Variants in CSMD2 observed in about 807,000 individuals in gnomAD.
The protein encoded by CSMD2 is CUB and Sushi multiple domains 2, also known as CUB and sushi domain-containing protein 2.
CSMD2 carries 130 observed loss-of-function variants against 398.5 expected under a neutral mutation model. The observed-to-expected ratio is 0.33, with a 90% CI of 0.28 to 0.38. CSMD2 has a LOEUF of 0.38. Among genes scored for constraint, CSMD2 ranks in the 10% least tolerant of loss-of-function variants. CSMD2 has a pLI of 1.00. For synonymous variants in CSMD2, 1,828 were observed against 1,908.5 expected, an observed-to-expected ratio of 0.96 and a Z score of 1.10; for missense variants, 3,829 against 4,764.9, an observed-to-expected ratio of 0.80 and a Z score of 5.78.
At chr1:33,969,169 C>A (rs1645665957) in intron 3 of CSMD2, among the ~76,000 whole-genome samples, 1 of 152,238 alleles carries the variant, frequency 6.6e-6, no homozygotes, top group African/African-American at 2.4e-5. Flanking sequence ...CCACACTGTT[C>A]AAGGCAGCTG....
At chr1:33,999,733 C>A (rs1646840554) in intron 3 of CSMD2, among the ~76,000 whole-genome samples, 7 of 152,162 alleles carry the variant, frequency 4.6e-5, no homozygotes, top group Admixed American at 3.9e-4. Flanking sequence ...CCTTGAACCT[C>A]TCTAAGGCTT....
At chr1:33,650,320 C>T (rs1466258109) in intron 28 of CSMD2, among the ~76,000 whole-genome samples, 2 of 152,150 alleles carry the variant, frequency 1.3e-5, no homozygotes, top group Non-Finnish European at 2.9e-5. Flanking sequence ...AGAGCAGAAA[C>T]ACAAAGCAAG....
At chr1:33,969,616 T>G (rs58696203) in intron 3 of CSMD2, among the ~76,000 whole-genome samples, 8,773 of 152,264 alleles carry the variant, frequency 0.058, 612 homozygotes, top group African/African-American at 0.16. Context: ...AAGTTAAGGT[T>G]TTGAGAGTTA....
At chr1:33,522,679 T>C (rs1654420005) in intron 67 of CSMD2, among the ~76,000 whole-genome samples, 1 of 152,202 alleles carries the variant, frequency 6.6e-6, no homozygotes, top group South Asian at 2.1e-4. Flanking sequence ...CATTCTATCC[T>C]TTCTCTTCTA....
At chr1:33,665,903 C>A (rs1007712937) in intron 25 of CSMD2, among the ~76,000 whole-genome samples, 2 of 152,148 alleles carry the variant, frequency 1.3e-5, no homozygotes, top group Admixed American at 6.5e-5. Flanking sequence ...ATGCTTCTCC[C>A]TAACTAGATC....
intron 41 of CSMD2, among the ~76,000 whole-genome samples, chr1:33,609,319 C>A (rs968489489): frequency 6.6e-6 from 1 of 152,238 alleles, no homozygotes; most frequent in African/African-American, 2.4e-5. Context: ...CCCAGTACCC[C>A]CTCAGTATTC....
chr1:33,520,388 C>G (rs558434289), intron 68 of CSMD2, among the ~76,000 whole-genome samples: 15 of 152,324 alleles, frequency 9.8e-5, no homozygotes, highest in African/African-American at 3.4e-4. Flanking sequence ...AAGGCTGCCT[C>G]TCCTCCTTCC....
intron 1 of CSMD2, among the ~76,000 whole-genome samples, chr1:34,160,687 C>T (rs992088995): frequency 1.3e-5 from 2 of 152,198 alleles, no homozygotes; most frequent in African/African-American, 4.8e-5. Context: ...AAAGCACCAT[C>T]CCTGCCTTCA....
At chr1:33,629,271 G>T (rs919342923) in intron 32 of CSMD2, among the ~76,000 whole-genome samples, 4 of 152,004 alleles carry the variant, frequency 2.6e-5, no homozygotes, top group African/African-American at 9.7e-5. Context: ...AATATATCAA[G>T]AAAAACTTGA....
At chr1:33,958,485 G>A (rs1645242320) in intron 3 of CSMD2, among the ~76,000 whole-genome samples, 1 of 152,124 alleles carries the variant, frequency 6.6e-6, no homozygotes. Context: ...AGAGGTGAAG[G>A]GATTTTTTTT....
intron 15 of CSMD2, among the ~76,000 whole-genome samples, chr1:33,730,884 T>C (rs990576443): frequency 1.3e-5 from 2 of 152,230 alleles, no homozygotes; most frequent in African/African-American, 2.4e-5. Context: ...GCTGTGTTCA[T>C]TGAAAAGGCT....
In CSMD2 at chr1:33,691,036, G is replaced by T. The variant is rs531952659; in HGVS notation, c.4052+1894C>A. On this transcript the variant is annotated intron_variant, in intron 25 of 70. Transcript: ENST00000373381. ...GCTGACATTTGCACTTGACTTTGAG[G>T]GATGGATAATTTTAGATGTAAGCCT... Among the ~76,000 whole-genome samples the T allele has an allele frequency of 2.0e-5, 3 of 152,262 alleles. No individual in the cohort carries two copies. In the East Asian group the frequency reaches 5.8e-4, roughly 29 times the overall value.
chr1:34,037,242 C>T (rs935587472), intron 2 of CSMD2, among the ~76,000 whole-genome samples: 7 of 152,130 alleles, frequency 4.6e-5, no homozygotes, highest in Admixed American at 2.0e-4. Context: ...TGAGCTTTGT[C>T]TTTTCCAGGC....
chr1:33,565,519 A>C (rs747359447), intron 53 of CSMD2, among the ~76,000 whole-genome samples: 5 of 152,204 alleles, frequency 3.3e-5, no homozygotes, highest in Non-Finnish European at 7.3e-5. Context: ...TGAGATAAAG[A>C]AGTAAAAACA....
chr1:33,610,803 A>C (rs1456827051), intron 41 of CSMD2, among the ~76,000 whole-genome samples: 1 of 152,000 alleles, frequency 6.6e-6, no homozygotes, highest in Non-Finnish European at 1.5e-5. Context: ...ACAGAGTGGG[A>C]GCCTCAGAGG....
intron 5 of CSMD2, among the ~76,000 whole-genome samples, chr1:33,879,306 C>T (rs1641070473): frequency 6.6e-6 from 1 of 152,214 alleles, no homozygotes; most frequent in Admixed American, 6.5e-5. Context: ...GGAATCCCTG[C>T]AGCCTTGATC....
At chr1:33,885,724 T>C (rs1641547614) in intron 5 of CSMD2, among the ~76,000 whole-genome samples, 2 of 152,158 alleles carry the variant, frequency 1.3e-5, no homozygotes, top group African/African-American at 4.8e-5. Context: ...ATGAATTCTG[T>C]GCCCATATTT....
At chr1:33,829,861 G>C (rs796780020) in intron 6 of CSMD2, among the ~76,000 whole-genome samples, 13 of 152,114 alleles carry the variant, frequency 8.5e-5, no homozygotes, top group African/African-American at 3.1e-4. Context: ...ATTATATTCC[G>C]CACCTAGCTC....
In CSMD2 at chr1:33,979,019, A is replaced by G. The variant is rs529068369; in HGVS notation, c.518-43065T>C. Among the ~76,000 whole-genome samples, 7 of 152,286 alleles carry G rather than the reference A, an allele frequency of 4.6e-5. No individual in the cohort carries two copies. In the South Asian group the frequency reaches 1.0e-3, roughly 23 times the overall value. On this transcript the variant is annotated intron_variant, in intron 3 of 70. Coordinates refer to ENST00000373381, the MANE Select transcript of CSMD2 (RefSeq NM_001281956.2). Reference sequence around the variant, plus strand: ...ATCAGAGTCAGGATCAACCACAGCCATCTCCACCCTCCCATCATTGCAGGT... The same window carrying G: ...ATCAGAGTCAGGATCAACCACAGCCGTCTCCACCCTCCCATCATTGCAGGT...
Sources: gnomAD v4.1 joint callset for allele counts (sites outside exome capture counted in the v4.1 genomes callset) on GRCh38, gnomAD v4.1.1 for gene constraint, MANE v1.5 for transcripts, NCBI Gene and HGNC (gene_info 2026-07-23, HGNC 2026-07-21) for gene names.